CROCC: variants seen among roughly 807,000 people sequenced by gnomAD.
The protein encoded by CROCC is ciliary rootlet coiled-coil, rootletin.
In CROCC, 180 loss-of-function variants were observed where a neutral mutation model predicts 245.2. The ratio of observed to expected loss-of-function variants is 0.73; its 90% CI spans 0.65 to 0.83. The LOEUF is 0.83. Among genes scored for constraint, CROCC ranks in the 40% least tolerant of loss-of-function variants. The probability of loss-of-function intolerance (pLI) is 0.00; values close to 1 mark genes in which losing one functional copy is unlikely to be tolerated. For missense variants in CROCC, 2,688 were observed against 2,779.4 expected (o/e 0.97, Z 0.74); for synonymous variants, 1,205 against 1,241.6 (o/e 0.97, Z 0.62).
intron 1 of CROCC, among the ~76,000 whole-genome samples, chr1:16,915,576 G>A (rs570972882): frequency 6.6e-6 from 1 of 152,132 alleles, no homozygotes; most frequent in East Asian, 1.9e-4. Context: ...GGAGGTCAAC[G>A]CTGCAGTGAG....
chr1:16,927,599 G>A (rs1371903127), intron 3 of CROCC, among the ~76,000 whole-genome samples: 5 of 152,266 alleles, frequency 3.3e-5, no homozygotes, highest in East Asian at 1.9e-4. Context: ...CCAAACAGTC[G>A]ACGTGAACTC....
At chr1:16,936,232 T>G (rs568015505) in intron 8 of CROCC, among the ~76,000 whole-genome samples, 9 of 152,248 alleles carry the variant, frequency 5.9e-5, no homozygotes, top group Non-Finnish European at 1.3e-4. Flanking sequence ...ACTGCAGGTG[T>G]ATGCCACCGC....
Position 16,922,018 on chromosome 1 carries a change from C to A in CROCC, c.-1C>A, listed in dbSNP as rs770865682. The stretch of plus-strand genomic sequence containing the variant: ...GGAGGCATGCCCACAGCCTCCCCCC[C>A]ATGAGCTTGGGGCTGGCGGGGGCAC... On this transcript the variant is annotated 5_prime_UTR_variant, in exon 1 of 37. Coordinates refer to ENST00000375541, the MANE Select transcript of CROCC (RefSeq NM_014675.5). 6 of 1,551,402 alleles carry A rather than the reference C, an allele frequency of 3.9e-6. No homozygotes were observed. The South Asian group carries it at 7.1e-5, about 18-fold the overall frequency.
intron 10 of CROCC, 22 bp downstream of exon 10, chr1:16,937,759 G>T: frequency 6.3e-7 from 1 of 1,577,728 alleles, no homozygotes; most frequent in Non-Finnish European, 8.7e-7. Flanking sequence ...GTGCCCCTGA[G>T]ATGGGGCAGG....
intron 27 of CROCC, among the ~76,000 whole-genome samples, chr1:16,963,575 C>T (rs2076368464): frequency 1.3e-5 from 2 of 152,148 alleles, no homozygotes; most frequent in South Asian, 4.1e-4. Flanking sequence ...GGCTGCGGAG[C>T]AGTTTTGGTG....
Position 16,966,647 on chromosome 1 carries a change from C to T in CROCC, c.4860+76C>T. 7.2e-7 allele frequency: 1 copy of T among 1,397,844 alleles called. No individual in the cohort carries two copies. The highest frequency in any genetic ancestry group is 1.5e-5 in the South Asian group (1 of 65,754). 86.6% of individuals were successfully genotyped at this position (1,397,844 alleles called of 1,614,324 possible). A position where few individuals can be genotyped will look rare whatever the true frequency, so the allele number is the denominator to read the frequency against. On this transcript the variant is annotated intron_variant, in intron 30 of 36. Coordinates refer to ENST00000375541, the MANE Select transcript of CROCC (RefSeq NM_014675.5). This position sits in a 1 kb window ranked among gnomAD's most constrained non-coding sequence, Gnocchi z 4.8. Reference sequence around the variant, plus strand: ...GTGAGTGTCTAACTCTTATGTGTGTCTCCCTGTGTCTGTCTGCCTGAGTCT... The same window carrying T: ...GTGAGTGTCTAACTCTTATGTGTGTTTCCCTGTGTCTGTCTGCCTGAGTCT...
intron 25 of CROCC, 135 bp downstream of exon 25, chr1:16,956,291 C>A: frequency 1.1e-6 from 1 of 945,910 alleles, no homozygotes; most frequent in Non-Finnish European, 1.5e-6. Flanking sequence ...CTCACCTAAC[C>A]TTGGTGTGAA....
At position 16,939,126 on chromosome 1, in the gene CROCC, GC is replaced by G; in HGVS notation, c.1594del (p.Gln532SerfsTer35). 6.6e-7 allele frequency: 1 copy of G among 1,526,372 alleles called. No individual in the cohort carries two copies. The highest frequency in any genetic ancestry group is 1.3e-5 in the South Asian group (1 of 78,474). 94.6% of individuals were successfully genotyped at this position (1,526,372 alleles called of 1,614,324 possible). ...CTGATCCACTCCGCCCTGCACAAGC[GC>G]CAGCTGCAGGTCCAGGTAGGAAGGG... ...LALIHSALHK[R>X]QLQVQDMRGR... On this transcript the variant is annotated frameshift_variant, in exon 12 of 37. Coordinates refer to ENST00000375541, the MANE Select transcript of CROCC (RefSeq NM_014675.5). LOFTEE classifies it high-confidence loss of function.
At chr1:16,932,903 C>T (rs1469150941) in intron 8 of CROCC, among the ~76,000 whole-genome samples, 1 of 152,292 alleles carries the variant, frequency 6.6e-6, no homozygotes. Context: ...GCCTCAGCCT[C>T]CTCGTCTCAA....
rs1216515952 is a variant in CROCC, at chr1:16,922,824, A to G, written c.196+26A>G. 15 of 1,603,224 alleles carry G rather than the reference A, an allele frequency of 9.4e-6. No homozygotes were observed. In the East Asian group the frequency reaches 2.0e-4, roughly 21 times the overall value. ...GTGCCACCCCCATCCGCTCCCCTCCACAAACACCACCCACATTTTACCTCT... is the reference window on the plus strand; with the variant it reads ...GTGCCACCCCCATCCGCTCCCCTCCGCAAACACCACCCACATTTTACCTCT... On this transcript the variant is annotated intron_variant, in intron 2 of 36. Coordinates refer to ENST00000375541, the MANE Select transcript of CROCC (RefSeq NM_014675.5).
At chr1:16,932,391 G>C (rs1433383655) in intron 8 of CROCC, among the ~76,000 whole-genome samples, 1 of 152,352 alleles carries the variant, frequency 6.6e-6, no homozygotes, top group African/African-American at 2.4e-5. Context: ...GGTGAGCCGA[G>C]ATCTCGCCAT....
intron 3 of CROCC, among the ~76,000 whole-genome samples, chr1:16,927,917 T>A (rs2075572666): frequency 6.6e-6 from 1 of 152,280 alleles, no homozygotes. Flanking sequence ...CTCCTCCCTA[T>A]TGGTGGGGCT....
intron 8 of CROCC, among the ~76,000 whole-genome samples, chr1:16,935,164 T>C (rs1480803856): frequency 6.6e-6 from 1 of 152,214 alleles, no homozygotes; most frequent in Non-Finnish European, 1.5e-5. Flanking sequence ...CTTCGCAAAG[T>C]GCTGGGATTA....
intron 27 of CROCC, among the ~76,000 whole-genome samples, chr1:16,963,898 C>T (rs185852902): frequency 2.2e-4 from 33 of 152,086 alleles, no homozygotes; most frequent in African/African-American, 7.5e-4. Flanking sequence ...TGGGTTCAAG[C>T]GATTCTCCTG....
At position 16,969,214 on chromosome 1, in the gene CROCC, G is replaced by C. The variant is rs764397568; in HGVS notation, c.5175G>C (p.Arg1725=). 6.2e-6 allele frequency: 10 copies of C among 1,610,954 alleles called. No individual in the cohort carries two copies. In the South Asian group the frequency reaches 1.1e-4, roughly 18 times the overall value. The change falls in exon 32 of 37, where the codon CGG becomes CGC. Residue 1725 remains arginine, a synonymous_variant. Transcript: ENST00000375541. ...AKVEESEGAL[R]DKVRGLTEAL... ...TGGAGGAAAGCGAGGGGGCCCTGCG[G>C]GACAAGGTGCGGGGCCTGACAGAGG... is the stretch of plus-strand genomic sequence containing the variant.
intron 27 of CROCC, among the ~76,000 whole-genome samples, chr1:16,962,786 C>T (rs1036907253): frequency 6.7e-6 from 1 of 149,004 alleles, no homozygotes; most frequent in South Asian, 2.2e-4. Context: ...ACAGGCTGGT[C>T]TCAAACTCCT....
intron 33 of CROCC, 28 bp downstream of exon 33, chr1:16,969,962 C>T (rs201386382): frequency 6.5e-7 from 1 of 1,549,496 alleles, no homozygotes; most frequent in African/African-American, 1.4e-5. Flanking sequence ...CCCCCTCTGT[C>T]CCCAAGACTG....
chr1:16,934,910 T>C (rs1165162140), intron 8 of CROCC, among the ~76,000 whole-genome samples: 1 of 142,844 alleles, frequency 7.0e-6, no homozygotes, highest in Non-Finnish European at 1.6e-5. Context: ...TTTTTTTTTT[T>C]CTTTTTTGAG....
chr1:16,931,958 G>C (rs12143059), intron 8 of CROCC, among the ~76,000 whole-genome samples: 3,732 of 151,770 alleles, frequency 0.025, 54 homozygotes, highest in Non-Finnish European at 0.041. Context: ...GTAGAGACGG[G>C]GTTTCACCAT....
Sources: gnomAD v4.1 joint callset for allele counts (sites outside exome capture counted in the v4.1 genomes callset) on GRCh38, gnomAD v4.1.1 for gene constraint, Gnocchi (gnomAD v3.1) non-coding constraint, MANE v1.5 for transcripts, NCBI Gene and HGNC (gene_info 2026-07-23, HGNC 2026-07-21) for gene names.